COL5A1: variants seen among roughly 807,000 people sequenced by gnomAD.
COL5A1 encodes collagen alpha-1(V) chain.
A neutral mutation model predicts 263.7 loss-of-function variants in COL5A1; 16 were observed. The ratio of observed to expected loss-of-function variants is 0.06; its 90% confidence interval spans 0.04 to 0.09. The LOEUF (loss-of-function observed/expected upper bound fraction) is 0.09. Among genes scored for constraint, COL5A1 ranks in the 10% least tolerant of loss-of-function variants. The probability of loss-of-function intolerance (pLI) is 1.00; values close to 1 mark genes in which losing one functional copy is unlikely to be tolerated. For missense variants in COL5A1, 2,036 were observed against 2,540.5 expected, an observed-to-expected ratio of 0.80 and a Z score of 4.27; for synonymous variants, 1,012 against 1,004.5, an observed-to-expected ratio of 1.01 and a Z score of -0.14.
intron 18 of COL5A1, among the ~76,000 whole-genome samples, chr9:134,760,085 T>C (rs1426386866): frequency 2.1e-3 from 87 of 42,290 alleles, no homozygotes; most frequent in African/African-American, 7.0e-3. Flanking sequence ...CACACACGCA[T>C]ACACGCCCAC....
intron 18 of COL5A1, among the ~76,000 whole-genome samples, chr9:134,760,573 C>A (rs111207702): frequency 4.1e-5 from 5 of 120,532 alleles, no homozygotes; most frequent in African/African-American, 7.6e-5. Context: ...CACCCACACA[C>A]CCCCACACTC....
At chr9:134,728,621 C>T (rs781042538) in intron 5 of COL5A1, 49 bp from the exon 6 acceptor site, 64 of 1,612,194 alleles carry the variant, frequency 4.0e-5, no homozygotes, top group Middle Eastern at 1.6e-4. Context: ...GCAGGCTGGT[C>T]GCTCTGCGGG....
chr9:134,766,234 C>G (rs1836659111), intron 21 of COL5A1, among the ~76,000 whole-genome samples: 1 of 152,124 alleles, frequency 6.6e-6, no homozygotes, highest in South Asian at 2.1e-4. Context: ...ATGCTAGGGC[C>G]TGGCAGTTCA....
chr9:134,822,721 C>CA (rs891966133), intron 59 of COL5A1, among the ~76,000 whole-genome samples: 9 of 132,370 alleles, frequency 6.8e-5, no homozygotes, highest in African/African-American at 1.4e-4. Flanking sequence ...TTCCGCTGCG[C>CA]CCCCCCCGCG....
At chr9:134,759,814 G>A (rs1274823729) in intron 18 of COL5A1, among the ~76,000 whole-genome samples, 7 of 39,234 alleles carry the variant, frequency 1.8e-4, no homozygotes, top group African/African-American at 6.3e-4. Flanking sequence ...ATGCACACAC[G>A]CATACACACC....
intron 27 of COL5A1, among the ~76,000 whole-genome samples, chr9:134,777,472 C>T (rs373017249): frequency 9.2e-5 from 14 of 152,232 alleles, no homozygotes; most frequent in Admixed American, 2.6e-4. Context: ...TCAACAGCCC[C>T]GTGGCCAAGA....
At chr9:134,760,038 GCACATACACACC>G (rs1712624344) in intron 18 of COL5A1, among the ~76,000 whole-genome samples, 2 of 61,492 alleles carry the variant, frequency 3.3e-5, no homozygotes, top group African/African-American at 6.6e-5. Flanking sequence ...ACGCACACAC[GCACATACACACC>G]CACACACCCC....
rs533236930 is a variant in COL5A1 at position 134,733,391 on chromosome 9, C to T, written c.1389+1264C>T. Among the ~76,000 whole-genome samples, 8 of 152,334 alleles carry T rather than the reference C, an allele frequency of 5.3e-5. No individual in the cohort carries two copies. The South Asian group carries it at 1.2e-3, about 24-fold the overall frequency. On this transcript the variant is annotated intron_variant, in intron 9 of 65. Transcript: ENST00000371817. Reference sequence around the variant, plus strand: ...TTCACCCCTTCCTGGCCTATGGAAGCGTCTGGATGGCTCTTGTGGGGCTCT... The same window carrying T: ...TTCACCCCTTCCTGGCCTATGGAAGTGTCTGGATGGCTCTTGTGGGGCTCT...
In COL5A1 at chr9:134,821,919, T is replaced by C. The variant is rs998235952; in HGVS notation, c.4555-178T>C. 6.6e-6 allele frequency among the ~76,000 whole-genome samples: 1 copy of C among 152,024 alleles called. No individual in the cohort carries two copies. Among genetic ancestry groups the C allele is most frequent in the Non-Finnish European group, 1.5e-5 (1 of 67,984 alleles). On this transcript the variant is annotated intron_variant, in intron 58 of 65. Coordinates refer to ENST00000371817, the MANE Select transcript of COL5A1 (RefSeq NM_000093.5). The surrounding 1 kb of genome is among the most constrained non-coding windows in gnomAD (Gnocchi z 4.2). ...TGGGGTGGATGCTCAGGTCGATGGC[T>C]CCCCTGACATGCACAGCCCAGGATC...
intron 20 of COL5A1, among the ~76,000 whole-genome samples, chr9:134,764,820 C>T (rs1487695751): frequency 6.6e-6 from 1 of 152,154 alleles, no homozygotes; most frequent in Non-Finnish European, 1.5e-5. Context: ...CCAAGTAATA[C>T]CTTCTGGGCT....
At chr9:134,671,435 G>C (rs1027443919) in intron 1 of COL5A1, among the ~76,000 whole-genome samples, 1 of 152,212 alleles carries the variant, frequency 6.6e-6, no homozygotes, top group African/African-American at 2.4e-5. Context: ...TTGAAAACTT[G>C]CAAAGCTCTC....
intron 62 of COL5A1, 145 bp from the exon 63 acceptor site, chr9:134,825,647 G>A (rs1030723740): frequency 2.7e-5 from 17 of 621,340 alleles, no homozygotes; most frequent in Non-Finnish European, 5.2e-5. Flanking sequence ...ATGCAATAAA[G>A]TAAACCCCAG....
At chr9:134,687,561 A>G (rs1833124382) in intron 1 of COL5A1, among the ~76,000 whole-genome samples, 1 of 152,124 alleles carries the variant, frequency 6.6e-6, no homozygotes, top group African/African-American at 2.4e-5. Context: ...TGGAATCAAC[A>G]AAGTTTTTGT....
At chr9:134,827,536 C>G (rs889266398) in intron 63 of COL5A1, among the ~76,000 whole-genome samples, 1 of 152,260 alleles carries the variant, frequency 6.6e-6, no homozygotes, top group Non-Finnish European at 1.5e-5. Flanking sequence ...CCTTCGCGGC[C>G]TGCCTCTGCA....
intron 1 of COL5A1, among the ~76,000 whole-genome samples, chr9:134,658,410 A>C (rs1225535125): frequency 2.0e-5 from 3 of 152,166 alleles, no homozygotes. Context: ...CTGCTGGGAC[A>C]GCCCTGGGAG....
At chr9:134,697,684 G>T (rs1833528768) in intron 2 of COL5A1, among the ~76,000 whole-genome samples, 1 of 152,146 alleles carries the variant, frequency 6.6e-6, no homozygotes, top group Non-Finnish European at 1.5e-5. Flanking sequence ...CCATGGTCCT[G>T]CTGGCAGCCT....
At chr9:134,761,284 C>T (rs1307101796) in intron 18 of COL5A1, among the ~76,000 whole-genome samples, 1 of 151,946 alleles carries the variant, frequency 6.6e-6, no homozygotes, top group Non-Finnish European at 1.5e-5. Flanking sequence ...CACACATGCA[C>T]TCACACAAAC....
At chr9:134,666,893 G>A (rs1832377521) in intron 1 of COL5A1, among the ~76,000 whole-genome samples, 2 of 152,134 alleles carry the variant, frequency 1.3e-5, no homozygotes, top group Admixed American at 6.5e-5. Context: ...CTTCTTTCAC[G>A]GTATACATGT....
At chr9:134,661,088 G>A in intron 1 of COL5A1, among the ~76,000 whole-genome samples, 1 of 151,932 alleles carries the variant, frequency 6.6e-6, no homozygotes, top group Non-Finnish European at 1.5e-5. Context: ...GGCTGGCAGA[G>A]GTGGGGTATG....
Sources: gnomAD v4.1 joint callset for allele counts (sites outside exome capture counted in the v4.1 genomes callset) on GRCh38, gnomAD v4.1.1 for gene constraint, Gnocchi (gnomAD v3.1) non-coding constraint, MANE v1.5 for transcripts, NCBI Gene and HGNC (gene_info 2026-07-23, HGNC 2026-07-21) for gene names.